Variants in NRG1 observed in about 807,000 individuals in gnomAD.
NRG1 encodes the protein neuregulin 1, also known as pro-neuregulin-1, membrane-bound isoform.
NRG1 carries 18 observed loss-of-function variants against 63.8 expected under a neutral mutation model. That is an observed-to-expected ratio of 0.28 (90% CI 0.19 to 0.42). The LOEUF is 0.42. Among genes scored for constraint, NRG1 ranks in the 10% least tolerant of loss-of-function variants. NRG1 has a pLI of 1.00. For synonymous variants in NRG1, 302 were observed against 301.3 expected, an observed-to-expected ratio of 1.00 and a Z score of -0.02; for missense variants, 762 against 814.7, an observed-to-expected ratio of 0.94 and a Z score of 0.79.
intron 1 of NRG1, among the ~76,000 whole-genome samples, chr8:32,072,239 ACT>A (rs1029602837): frequency 5.4e-5 from 8 of 149,338 alleles, no homozygotes; most frequent in African/African-American, 2.0e-4. Context: ...CCAGAGAACC[ACT>A]CTAACTTCTA....
intron 1 of NRG1, among the ~76,000 whole-genome samples, chr8:31,690,855 G>C (rs1250570487): frequency 1.3e-5 from 2 of 152,160 alleles, no homozygotes. Context: ...TTATAAAGTT[G>C]AGATTCTATA....
intron 1 of NRG1, among the ~76,000 whole-genome samples, chr8:32,508,352 G>A (rs1018852861): frequency 6.6e-6 from 1 of 151,228 alleles, no homozygotes; most frequent in African/African-American, 2.4e-5. Context: ...GTGTAGTGGT[G>A]CGATCGCTGC....
chr8:32,568,207 TACATGTCTAAAATAC>T (rs1451900129), intron 1 of NRG1, among the ~76,000 whole-genome samples: 1 of 152,246 alleles, frequency 6.6e-6, no homozygotes, highest in Non-Finnish European at 1.5e-5. Context: ...CAGTTGCTCC[TACATGTCTAAAATAC>T]ACCATAAATC....
chr8:31,943,508 C>T (rs1360891226), intron 1 of NRG1, among the ~76,000 whole-genome samples: 2 of 148,732 alleles, frequency 1.3e-5, no homozygotes, highest in Admixed American at 6.7e-5. Flanking sequence ...AACCAATCAC[C>T]CCCTGTTCCC....
chr8:32,700,209 C>T (rs2128957603), intron 5 of NRG1, among the ~76,000 whole-genome samples: 1 of 152,096 alleles, frequency 6.6e-6, no homozygotes, highest in East Asian at 1.9e-4. Flanking sequence ...AAAACAATTG[C>T]CTCCCCATAT....
chr8:32,533,795 C>A (rs141467674), intron 1 of NRG1, among the ~76,000 whole-genome samples: 1 of 152,136 alleles, frequency 6.6e-6, no homozygotes, highest in Non-Finnish European at 1.5e-5. Context: ...GAACTTATCA[C>A]ATGTTTATGT....
chr8:32,644,447 G>A (rs1176143053), intron 5 of NRG1, among the ~76,000 whole-genome samples: 1 of 152,162 alleles, frequency 6.6e-6, no homozygotes, highest in Non-Finnish European at 1.5e-5. Flanking sequence ...AAGGCAGAAA[G>A]GCAACTTCTG....
chr8:32,344,305 CTT>C (rs10712083), intron 1 of NRG1, among the ~76,000 whole-genome samples: 2 of 143,436 alleles, frequency 1.4e-5, no homozygotes, highest in African/African-American at 5.2e-5. Flanking sequence ...AGAGCCACAT[CTT>C]TTTTTTTTCC....
intron 1 of NRG1, among the ~76,000 whole-genome samples, chr8:32,529,739 T>A (rs1035390062): frequency 1.3e-5 from 2 of 152,166 alleles, no homozygotes; most frequent in African/African-American, 4.8e-5. Context: ...CTCCACATCA[T>A]GTCCCATTGG....
intron 1 of NRG1, among the ~76,000 whole-genome samples, chr8:32,523,981 T>C (rs2129508148): frequency 6.6e-6 from 1 of 152,010 alleles, no homozygotes; most frequent in South Asian, 2.1e-4. Flanking sequence ...TGGCTCCACT[T>C]GGTGTCCTGT....
At chr8:31,900,567 T>G (rs751138841) in intron 1 of NRG1, among the ~76,000 whole-genome samples, 1 of 152,178 alleles carries the variant, frequency 6.6e-6, no homozygotes, top group Non-Finnish European at 1.5e-5. Flanking sequence ...GGAAAGAGTC[T>G]TTATCAGCCA....
At chr8:32,554,866 G>A (rs939268124) in intron 1 of NRG1, among the ~76,000 whole-genome samples, 1 of 151,838 alleles carries the variant, frequency 6.6e-6, no homozygotes, top group African/African-American at 2.4e-5. Context: ...GGCCTCCAGA[G>A]GGTGCTCCAG....
In NRG1 at chr8:32,510,284, C is replaced by T. The variant is rs992778742; in HGVS notation, c.38-85544C>T. Among the ~76,000 whole-genome samples, 3 of 151,766 alleles carry T rather than the reference C, an allele frequency of 2.0e-5. No individual in the cohort carries two copies. The East Asian group carries it at 5.8e-4, about 29-fold the overall frequency. On this transcript the variant is annotated intron_variant, in intron 1 of 10. Transcript: ENST00000519301. ...GGCTGAGGCAGAAGGACTGCTTGAG[C>T]ACAGGAGGTCAAGGCTGCAGTGAGC...
chr8:31,856,672 G>A (rs2129609831), intron 1 of NRG1, among the ~76,000 whole-genome samples: 1 of 152,300 alleles, frequency 6.6e-6, no homozygotes, highest in East Asian at 1.9e-4. Context: ...GCGTTCCTTT[G>A]GAGGAGGAGA....
chr8:32,151,075 C>A (rs1282912058), intron 1 of NRG1, among the ~76,000 whole-genome samples: 1 of 151,940 alleles, frequency 6.6e-6, no homozygotes, highest in Non-Finnish European at 1.5e-5. Flanking sequence ...TAAGGGGTGT[C>A]TATGAAATGG....
At chr8:32,649,539 C>T (rs533187856) in intron 5 of NRG1, among the ~76,000 whole-genome samples, 5 of 152,226 alleles carry the variant, frequency 3.3e-5, no homozygotes, top group South Asian at 4.1e-4. Context: ...ATTTCTCTGA[C>T]GAAATGCCTC....
At chr8:32,226,054 G>T (rs1303134804) in intron 1 of NRG1, among the ~76,000 whole-genome samples, 1 of 152,092 alleles carries the variant, frequency 6.6e-6, no homozygotes, top group Non-Finnish European at 1.5e-5. Context: ...TCAAGAACCT[G>T]TTGCATTGAG....
intron 1 of NRG1, among the ~76,000 whole-genome samples, chr8:31,852,150 T>G (rs1827303037): frequency 6.6e-6 from 1 of 152,100 alleles, no homozygotes; most frequent in African/African-American, 2.4e-5. Flanking sequence ...GGTCAAATGG[T>G]ATTTCTAGTT....
Position 31,661,422 on chromosome 8 carries a change from CT to C in NRG1, c.37+21993del, listed in dbSNP as rs748331255. Among the ~76,000 whole-genome samples the C allele has an allele frequency of 2.0e-5, 3 of 152,278 alleles. No individual in the cohort carries two copies. In the East Asian group the frequency reaches 5.8e-4, roughly 29 times the overall value. On this transcript the variant is annotated intron_variant, in intron 1 of 10. Coordinates refer to the NRG1 transcript ENST00000519301. ...AGCCATTTATTTCTAAATTTTTAAC[CT>C]TATATTTCTGTAGATCCTGATTAAG... is the stretch of plus-strand genomic sequence containing the variant.
Sources: gnomAD v4.1 joint callset for allele counts (sites outside exome capture counted in the v4.1 genomes callset) on GRCh38, gnomAD v4.1.1 for gene constraint, MANE v1.5 for transcripts, NCBI Gene and HGNC (gene_info 2026-07-23, HGNC 2026-07-21) for gene names.